The following GK variants were observed in gnomAD, a reference collection of about 807,000 sequenced individuals.
GK encodes the protein glycerol kinase.
GK carries 9 observed loss-of-function variants against 56.4 expected under a neutral mutation model. The ratio of observed to expected loss-of-function variants is 0.16; its 90% CI spans 0.10 to 0.28. The LOEUF (loss-of-function observed/expected upper bound fraction) is 0.28, where lower values mean the gene tolerates loss of function less well. Among genes scored for constraint, GK ranks in the 10% least tolerant of loss-of-function variants. The pLI is 1.00. For synonymous variants in GK, 104 were observed against 144.1 expected (o/e 0.72, Z 1.99); for missense variants, 161 against 431.4 (o/e 0.37, Z 5.55).
chrX:30,704,716 C>CAT (rs1569165816), intron 11 of GK, among the ~76,000 whole-genome samples: 1 of 110,052 alleles, frequency 9.1e-6, no homozygotes, highest in East Asian at 2.9e-4. Context: ...GGACTACAGG[C>CAT]GCCCGCCACC....
At chrX:30,678,224 T>A in intron 4 of GK, 3 of 400,785 alleles carry the variant, frequency 7.5e-6, no homozygotes, top group Non-Finnish European at 1.3e-5. Flanking sequence ...TCTACAAATG[T>A]GGCTATTTGA....
chrX:30,687,637 G>A (rs775589402), intron 4 of GK: 11 of 339,286 alleles, frequency 3.2e-5, no homozygotes, highest in South Asian at 2.9e-4. Flanking sequence ...TCTGGCTATT[G>A]CTCACTTCCC....
intron 4 of GK, among the ~76,000 whole-genome samples, chrX:30,688,317 A>G (rs1183070989): frequency 9.0e-6 from 1 of 111,227 alleles, no homozygotes; most frequent in Non-Finnish European, 1.9e-5. Flanking sequence ...TGGGACTTGG[A>G]GAACCATCTG....
chrX:30,660,179 C>T (rs369464243), intron 1 of GK, among the ~76,000 whole-genome samples: 2 of 109,261 alleles, frequency 1.8e-5, no homozygotes, highest in East Asian at 2.8e-4. Context: ...AACTGTAATA[C>T]TATCACTTAT....
chrX:30,716,763 G>T (rs969672335), intron 13 of GK, among the ~76,000 whole-genome samples: 1 of 111,432 alleles, frequency 9.0e-6, no homozygotes, highest in South Asian at 3.7e-4. Context: ...ATGTAAATGT[G>T]TCAAACTTAA....
At chrX:30,680,819 A>G (rs1247417212) in intron 4 of GK, among the ~76,000 whole-genome samples, 2 of 111,668 alleles carry the variant, frequency 1.8e-5, no homozygotes, top group Non-Finnish European at 3.8e-5. Flanking sequence ...GGTGGGGATG[A>G]GTGTTGGTAA....
intron 4 of GK, among the ~76,000 whole-genome samples, chrX:30,683,130 G>A (rs765040548): frequency 9.0e-6 from 1 of 111,333 alleles, no homozygotes; most frequent in African/African-American, 3.3e-5. Flanking sequence ...GTAAATCTCT[G>A]TAACTCTATG....
chrX:30,699,595 C>G (rs759235888), intron 9 of GK, among the ~76,000 whole-genome samples: 1 of 109,374 alleles, frequency 9.1e-6, no homozygotes, highest in Admixed American at 9.9e-5. Context: ...AAGTCCTGAC[C>G]TCAGGTGATC....
At chrX:30,719,735 C>T (rs1936809463) in intron 15 of GK, among the ~76,000 whole-genome samples, 1 of 112,272 alleles carries the variant, frequency 8.9e-6, no homozygotes, top group African/African-American at 3.2e-5. Context: ...CTTTTATCTT[C>T]ATGATGTCTG....
intron 9 of GK, among the ~76,000 whole-genome samples, chrX:30,698,866 C>CA (rs386416832): frequency 0.01 from 436 of 43,311 alleles, 22 homozygotes; most frequent in Middle Eastern, 0.02. Context: ...AACTCCATCT[C>CA]AAAAAAAAAA....
At chrX:30,699,274 TATATATACAACA>T (rs1935480440) in intron 9 of GK, among the ~76,000 whole-genome samples, 2 of 54,939 alleles carry the variant, frequency 3.6e-5, no homozygotes, top group Admixed American at 4.0e-4. Context: ...GTATAACATG[TATATATACAACA>T]TGTTATACAT....
intron 13 of GK, among the ~76,000 whole-genome samples, chrX:30,712,066 A>AT (rs1366744887): frequency 1.8e-5 from 2 of 112,075 alleles, no homozygotes; most frequent in Non-Finnish European, 3.8e-5. Flanking sequence ...CTTAGTATGT[A>AT]TTTTTTTGTA....
intron 9 of GK, among the ~76,000 whole-genome samples, chrX:30,699,232 GT>G (rs1277591661): frequency 1.0e-5 from 1 of 96,199 alleles, no homozygotes; most frequent in Non-Finnish European, 2.0e-5. Context: ...ATATATACAT[GT>G]TATGTATAAC....
At chrX:30,727,114 G>T (rs777282109) in intron 19 of GK, among the ~76,000 whole-genome samples, 80 of 112,131 alleles carry the variant, frequency 7.1e-4, no homozygotes, top group Non-Finnish European at 1.3e-3. Context: ...GAATTAAATA[G>T]ATCATTTAAT....
intron 13 of GK, among the ~76,000 whole-genome samples, chrX:30,709,265 C>G (rs964330566): frequency 9.0e-6 from 1 of 111,576 alleles, no homozygotes; most frequent in African/African-American, 3.3e-5. Context: ...AATACAGGTG[C>G]CTTAGACCTG....
chrX:30,692,784 A>AT (rs113798918), intron 5 of GK, among the ~76,000 whole-genome samples: 2,369 of 103,549 alleles, frequency 0.023, 57 homozygotes, highest in African/African-American at 0.076. Flanking sequence ...TTGTGCATTG[A>AT]TTTTTTTTTT....
In GK at chrX:30,695,146, G is replaced by A. The variant is rs1380914135; in HGVS notation, c.552+609G>A. 4 of 802,929 alleles carry A rather than the reference G, an allele frequency of 5.0e-6. No individual in the cohort carries two copies. In the African/African-American group the frequency reaches 8.5e-5, roughly 17 times the overall value. The allele number at this position is 802,929 out of a possible 1,213,427, so 66.2% of individuals were successfully genotyped here. On this transcript the variant is annotated intron_variant, in intron 6 of 20. Transcript: ENST00000427190. ...GTAAATATTTCAGTAAGTATGTAAT[G>A]ATCTTTTTTAACATTCAAGGGAATG...
intron 15 of GK, 100 bp downstream of exon 15, chrX:30,719,615 T>G: frequency 1.9e-6 from 1 of 520,329 alleles, no homozygotes. Flanking sequence ...ATAATTATAA[T>G]GTGTTGAGAA....
chrX:30,721,745 C>T (rs1298051810), intron 18 of GK: 1 of 111,974 alleles, frequency 8.9e-6, no homozygotes, highest in Non-Finnish European at 1.9e-5. Context: ...TTAAGCACAG[C>T]AGGACTAACC....
Sources: gnomAD v4.1 joint callset for allele counts (sites outside exome capture counted in the v4.1 genomes callset) on GRCh38, gnomAD v4.1.1 for gene constraint, MANE v1.5 for transcripts, NCBI Gene and HGNC (gene_info 2026-07-23, HGNC 2026-07-21) for gene names.